Variants in ARHGEF4 observed in about 807,000 individuals in gnomAD.
ARHGEF4 encodes the protein APC-stimulated guanine nucleotide exchange factor 1.
A neutral mutation model predicts 162.0 loss-of-function variants in ARHGEF4; 119 were observed. The ratio of observed to expected loss-of-function variants is 0.73; its 90% CI spans 0.63 to 0.86. ARHGEF4 has a LOEUF of 0.86. Among genes scored for constraint, ARHGEF4 ranks in the 40% least tolerant of loss-of-function variants. The pLI, the probability that ARHGEF4 is intolerant of heterozygous loss-of-function variation, is 0.00. For synonymous variants in ARHGEF4, 1,014 were observed against 979.9 expected (o/e 1.03, Z -0.65); for missense variants, 2,488 against 2,456.0 (o/e 1.01, Z -0.28).
At chr2:131,041,526 A>G in intron 9 of ARHGEF4, 64 bp downstream of exon 9, 2 of 1,506,874 alleles carry the variant, frequency 1.3e-6, no homozygotes, top group Non-Finnish European at 1.8e-6. Context: ...AGCCAGTTTG[A>G]GCATTAGCAG....
At chr2:131,028,118 C>G (rs368685245) in intron 5 of ARHGEF4, 34 bp downstream of exon 5, 23 of 1,610,106 alleles carry the variant, frequency 1.4e-5, no homozygotes, top group East Asian at 8.9e-5. Context: ...GAGGGAGGGA[C>G]AGGCTGGGGC....
chr2:130,889,609 G>A (rs1408500574), intron 1 of ARHGEF4, among the ~76,000 whole-genome samples: 2 of 151,490 alleles, frequency 1.3e-5, no homozygotes, highest in Non-Finnish European at 2.9e-5. Flanking sequence ...TTGTGAGTTC[G>A]AGACCAGCCT....
chr2:130,986,785 C>T (rs1433463745), intron 4 of ARHGEF4, among the ~76,000 whole-genome samples: 1 of 152,202 alleles, frequency 6.6e-6, no homozygotes, highest in Admixed American at 6.5e-5. Context: ...TAATTGTCTG[C>T]AAGTCCCTGC....
At chr2:131,035,079 G>A in intron 5 of ARHGEF4, 5 of 1,029,356 alleles carry the variant, frequency 4.9e-6, no homozygotes, top group Non-Finnish European at 5.8e-6. Context: ...CACGGAGCGG[G>A]AGGCCGGGCG....
At chr2:130,992,313 T>C (rs1687063544) in intron 4 of ARHGEF4, among the ~76,000 whole-genome samples, 1 of 152,086 alleles carries the variant, frequency 6.6e-6, no homozygotes, top group South Asian at 2.1e-4. Flanking sequence ...CTGTGGAAGC[T>C]TTATTCTTTC....
chr2:131,003,558 G>GAA (rs1260536110), intron 4 of ARHGEF4, among the ~76,000 whole-genome samples: 1 of 152,208 alleles, frequency 6.6e-6, no homozygotes, highest in Admixed American at 6.5e-5. Flanking sequence ...ACAGGTGGGT[G>GAA]AAAATCTGGA....
rs1681521233 is a variant in ARHGEF4 at position 130,916,716 on chromosome 2, G to C, written c.2770G>C (p.Val924Leu). 1 of 1,550,682 alleles carries C rather than the reference G, an allele frequency of 6.4e-7. No homozygotes were observed. Among genetic ancestry groups the C allele is most frequent in the Non-Finnish European group, 8.7e-7 (1 of 1,147,018 alleles). ...CTTTTCAAACTTTATTGAGTCAATA[G>C]TTCTAGAGAAAGAGAACACCCATGA... ...KTFSNFIESI[V>L]LEKENTHERS... Residue 924 changes from valine (V) to leucine (L), a missense_variant, in exon 2 of 14, where the codon GTT becomes CTT. Physicochemically the swap from Val to Leu is conservative, Grantham distance 32. Around this residue, in one of 6 missense-constraint regions of ARHGEF4, gnomAD observed 1,642 missense variants for 1,481.5 expected, o/e 1.11. Transcript: ENST00000409359.
Position 131,038,882 on chromosome 2 carries a change from T to C in ARHGEF4, c.4155T>C (p.Ala1385=), listed in dbSNP as rs1385901387. ...ELISDGSVVC[A]EALWDHVTMD... is the part of the protein sequence containing the mutation. ...TCAGCGATGGCAGTGTGGTCTGCGC[T>C]GAAGCACTCTGGGACCATGTCACCA... The change falls in exon 6 of 14, where the codon GCT becomes GCC. Residue 1385 remains alanine (A), a synonymous_variant. Transcript: ENST00000409359. 11 of 1,613,208 alleles carry C rather than the reference T, an allele frequency of 6.8e-6. No homozygotes were observed. The highest frequency in any genetic ancestry group is 9.3e-6 in the Non-Finnish European group (11 of 1,179,902).
At chr2:130,894,311 A>C (rs1174786803) in intron 1 of ARHGEF4, among the ~76,000 whole-genome samples, 1 of 152,108 alleles carries the variant, frequency 6.6e-6, no homozygotes, top group Admixed American at 6.6e-5. Context: ...CTGTTCATAA[A>C]TATATGGTCA....
At chr2:131,039,279 G>T (rs9653193) in intron 6 of ARHGEF4, 1 of 1,283,656 alleles carries the variant, frequency 7.8e-7, no homozygotes, top group Non-Finnish European at 1.0e-6. Flanking sequence ...GCAGACACTA[G>T]GCACCCCTCT....
chr2:130,984,472 C>A (rs1226998899), intron 4 of ARHGEF4, among the ~76,000 whole-genome samples: 1 of 152,174 alleles, frequency 6.6e-6, no homozygotes, highest in East Asian at 1.9e-4. Flanking sequence ...GGGTGGATCA[C>A]CTGAGGTCAG....
chr2:130,885,626 G>C (rs560792815), intron 1 of ARHGEF4, among the ~76,000 whole-genome samples: 1 of 133,984 alleles, frequency 7.5e-6, no homozygotes, highest in Admixed American at 8.4e-5. Context: ...CTGGAATGCA[G>C]TTGTGCAATC....
intron 4 of ARHGEF4, among the ~76,000 whole-genome samples, chr2:131,026,392 G>T (rs1182113219): frequency 6.6e-6 from 1 of 152,110 alleles, no homozygotes; most frequent in South Asian, 2.1e-4. Flanking sequence ...TAAAATTAAG[G>T]ACTTCCGTTC....
chr2:130,885,519 G>T (rs918768328), intron 1 of ARHGEF4, among the ~76,000 whole-genome samples: 2 of 151,486 alleles, frequency 1.3e-5, no homozygotes, highest in Admixed American at 6.6e-5. Context: ...GTAGTGGAGG[G>T]GGGTGAGGGC....
rs1011268988 is a variant in ARHGEF4 at position 130,892,817 on chromosome 2, G to T, written c.40-21169G>T. ...GCTCCTTCTCTTGGTGGCTATGCAG[G>T]GTCTGCTGCCATTCAGGGTGCAGCT... On this transcript the variant is annotated intron_variant, in intron 1 of 13. Coordinates refer to ENST00000409359, the MANE Select transcript of ARHGEF4 (RefSeq NM_001367493.1). 2.6e-5 allele frequency among the ~76,000 whole-genome samples: 4 copies of T among 152,220 alleles called. No individual in the cohort carries two copies. In the East Asian group the frequency reaches 5.8e-4, roughly 22 times the overall value.
chr2:130,900,004 T>C (rs1680393789), intron 1 of ARHGEF4, among the ~76,000 whole-genome samples: 1 of 152,254 alleles, frequency 6.6e-6, no homozygotes, highest in South Asian at 2.1e-4. Context: ...AAATATGTTA[T>C]TTAATTTCCA....
chr2:130,903,119 A>ATTT lies in ARHGEF4; in HGVS notation c.40-10858_40-10856dup, dbSNP rs56943344. 5.2e-3 allele frequency among the ~76,000 whole-genome samples: 746 copies of ATTT among 144,548 alleles called. 9 individuals carry two copies. The highest frequency in any genetic ancestry group is 7.3e-3 in the Middle Eastern group (2 of 274). 94.8% of individuals were successfully genotyped at this position (144,548 alleles called of 152,430 possible). ...CTGCTGTTCTTTATATCTTCTGCTT[A>ATTT]TTTTTTTTTTTGAGTCTTTCCGTTT... On this transcript the variant is annotated intron_variant, in intron 1 of 13. Transcript: ENST00000409359.
At chr2:130,926,809 G>GTTTT (rs1559044315) in intron 2 of ARHGEF4, among the ~76,000 whole-genome samples, 4 of 13,828 alleles carry the variant, frequency 2.9e-4, no homozygotes, top group African/African-American at 4.7e-4. Flanking sequence ...ACTTCTGGCT[G>GTTTT]ATTTTTTTTT....
chr2:130,949,840 G>T (rs1220662039), intron 4 of ARHGEF4, among the ~76,000 whole-genome samples: 2 of 152,126 alleles, frequency 1.3e-5, no homozygotes, highest in Non-Finnish European at 2.9e-5. Context: ...GTAGAGACAG[G>T]GTTTTGCCAT....
Sources: gnomAD v4.1 joint callset for allele counts (sites outside exome capture counted in the v4.1 genomes callset) on GRCh38, gnomAD v4.1.1 for gene constraint, gnomAD v4.1.1 regional missense constraint, MANE v1.5 for transcripts, NCBI Gene and HGNC (gene_info 2026-07-23, HGNC 2026-07-21) for gene names.